SHC3: variants seen among roughly 807,000 people sequenced by gnomAD.
SHC3 encodes the protein SHC-transforming protein 3.
SHC3 carries 15 observed loss-of-function variants against 60.4 expected under a neutral mutation model. The ratio of observed to expected loss-of-function variants is 0.25; its 90% CI spans 0.17 to 0.38. The LOEUF is 0.38. Ranked by LOEUF, SHC3 falls within the 10% of genes least tolerant of loss-of-function variation. SHC3 has a pLI of 1.00. For missense variants in SHC3, 677 were observed against 786.1 expected (o/e 0.86, Z 1.66); for synonymous variants, 294 against 325.9 (o/e 0.90, Z 1.05).
At chr9:89,153,572 G>T (rs1174826738) in intron 1 of SHC3, among the ~76,000 whole-genome samples, 2 of 152,226 alleles carry the variant, frequency 1.3e-5, no homozygotes, top group Non-Finnish European at 1.5e-5. Context: ...AAGCTGTAAA[G>T]CTGAGAACCC....
chr9:89,026,098 A>C (rs574373601), intron 11 of SHC3, among the ~76,000 whole-genome samples: 5 of 151,902 alleles, frequency 3.3e-5, no homozygotes, highest in African/African-American at 7.2e-5. Flanking sequence ...ACACACACAC[A>C]CCCCAAATTA....
At chr9:89,128,375 C>T (rs1187174028) in intron 1 of SHC3, among the ~76,000 whole-genome samples, 1 of 152,178 alleles carries the variant, frequency 6.6e-6, no homozygotes, top group Non-Finnish European at 1.5e-5. Flanking sequence ...CTAAACGTCC[C>T]TGTCTGACAG....
At chr9:89,165,776 C>T (rs1826779765) in intron 1 of SHC3, among the ~76,000 whole-genome samples, 1 of 152,084 alleles carries the variant, frequency 6.6e-6, no homozygotes, top group South Asian at 2.1e-4. Context: ...AGACATGCTA[C>T]ACTTAAAAGG....
Position 89,046,707 on chromosome 9 carries a change from C to G in SHC3, c.1113+137G>C, listed in dbSNP as rs1292473018. On this transcript the variant is annotated intron_variant, in intron 8 of 11. Coordinates refer to ENST00000375835, the MANE Select transcript of SHC3 (RefSeq NM_016848.6). The stretch of plus-strand genomic sequence containing the variant: ...CTTCATCTGCATGCCTCATGAAATC[C>G]AGTGAGAGAAAGCTCATGATTTACT... The G allele has an allele frequency of 5.7e-6, 6 of 1,043,622 alleles. No homozygotes were observed. The East Asian group carries it at 1.7e-4, about 29-fold the overall frequency. The allele number at this position is 1,043,622 out of a possible 1,614,324, so 64.6% of individuals were successfully genotyped here.
intron 2 of SHC3, among the ~76,000 whole-genome samples, chr9:89,104,018 G>C (rs981122756): frequency 6.6e-6 from 1 of 152,160 alleles, no homozygotes; most frequent in Non-Finnish European, 1.5e-5. Flanking sequence ...TCTGGCATGA[G>C]GATTATAAAA....
rs145815258 is a variant in SHC3 at position 89,099,735 on chromosome 9, C to T, written c.545+12821G>A. 2.7e-3 allele frequency among the ~76,000 whole-genome samples: 405 copies of T among 152,184 alleles called. 3 individuals are homozygous for T. The highest frequency in any genetic ancestry group is 0.026 in the South Asian group (126 of 4,814). ...CTGACAGAAGCAACTGTGAAGACAC[C>T]GTGAATATAAAATGCATCCAGATTT... On this transcript the variant is annotated intron_variant, in intron 2 of 11. Coordinates refer to ENST00000375835, the MANE Select transcript of SHC3 (RefSeq NM_016848.6).
intron 11 of SHC3, among the ~76,000 whole-genome samples, chr9:89,027,327 A>ATTTTT (rs540788767): frequency 1.0e-4 from 13 of 130,386 alleles, no homozygotes; most frequent in Admixed American, 3.8e-4. Context: ...TGAAATTCTG[A>ATTTTT]TTTTTTTTTT....
At chr9:89,070,513 T>A (rs1825253911) in intron 5 of SHC3, among the ~76,000 whole-genome samples, 1 of 152,224 alleles carries the variant, frequency 6.6e-6, no homozygotes, top group Non-Finnish European at 1.5e-5. Flanking sequence ...TGAGTTCAAC[T>A]TCGTGACAGT....
chr9:89,077,856 G>A lies in SHC3; in HGVS notation c.593C>T (p.Ala198Val), dbSNP rs1408431980. 53 of 1,614,056 alleles carry A rather than the reference G, an allele frequency of 3.3e-5. No homozygotes were observed. Among genetic ancestry groups the A allele is most frequent in the Non-Finnish European group, 4.4e-5 (52 of 1,180,038 alleles). The change falls in exon 3 of 12, where the codon GCC becomes GTC. Residue 198 changes from alanine to valine, a missense_variant. By Grantham distance (64) the Ala-to-Val change is moderately conservative. Transcript: ENST00000375835. Reference sequence around the variant, plus strand: ...GGACAGTACCTTTCTCTTCTTGAAGGCTCCCTTCGCACCAGGCACAGCTTC... The same window carrying A: ...GGACAGTACCTTTCTCTTCTTGAAGACTCCCTTCGCACCAGGCACAGCTTC... Reference protein sequence around the residue: ...VCEAVPGAKGAFKKRKPPSKM... With the variant: ...VCEAVPGAKGVFKKRKPPSKM...
intron 5 of SHC3, among the ~76,000 whole-genome samples, chr9:89,068,663 T>G (rs1298234485): frequency 6.6e-6 from 1 of 151,846 alleles, no homozygotes; most frequent in Admixed American, 6.6e-5. Flanking sequence ...GTTTCCAATT[T>G]TTTTTAAAAA....
At chr9:89,172,345 G>T (rs1220381324) in intron 1 of SHC3, among the ~76,000 whole-genome samples, 1 of 152,178 alleles carries the variant, frequency 6.6e-6, no homozygotes, top group Non-Finnish European at 1.5e-5. Flanking sequence ...GTGGATCCTT[G>T]TCACACTGTT....
intron 3 of SHC3, among the ~76,000 whole-genome samples, chr9:89,076,975 G>C (rs199832118): frequency 6.6e-6 from 1 of 151,736 alleles, no homozygotes; most frequent in Non-Finnish European, 1.5e-5. Flanking sequence ...TCAAGAGGTC[G>C]AGACCATCCT....
At chr9:89,044,690 T>G (rs1824742800) in intron 9 of SHC3, among the ~76,000 whole-genome samples, 1 of 152,256 alleles carries the variant, frequency 6.6e-6, no homozygotes, top group African/African-American at 2.4e-5. Flanking sequence ...TGTGTATATA[T>G]AACTGTCTAG....
intron 4 of SHC3, among the ~76,000 whole-genome samples, chr9:89,072,419 G>A (rs990494531): frequency 7.2e-5 from 11 of 152,078 alleles, no homozygotes; most frequent in Non-Finnish European, 1.2e-4. Flanking sequence ...CAGCTAGAAT[G>A]GGGGGAAATG....
intron 1 of SHC3, among the ~76,000 whole-genome samples, chr9:89,140,341 C>T (rs945951455): frequency 3.3e-5 from 5 of 152,166 alleles, no homozygotes; most frequent in South Asian, 2.1e-4. Context: ...AGATTCCCCC[C>T]CCCAGATTAA....
At chr9:89,048,619 A>G (rs773884554) in intron 7 of SHC3, among the ~76,000 whole-genome samples, 19 of 152,232 alleles carry the variant, frequency 1.2e-4, no homozygotes, top group Non-Finnish European at 1.9e-4. Context: ...TAACAAATCA[A>G]CTGAACTGTA....
At chr9:89,105,380 A>G (rs960212404) in intron 2 of SHC3, among the ~76,000 whole-genome samples, 1 of 152,132 alleles carries the variant, frequency 6.6e-6, no homozygotes, top group Non-Finnish European at 1.5e-5. Context: ...CATCCCCAAA[A>G]TACACACAAT....
intron 1 of SHC3, among the ~76,000 whole-genome samples, chr9:89,162,851 A>C (rs1234526267): frequency 6.8e-6 from 1 of 145,990 alleles, no homozygotes; most frequent in Non-Finnish European, 1.5e-5. Context: ...TCATCTGACA[A>C]AGGGCTAATA....
intron 1 of SHC3, among the ~76,000 whole-genome samples, chr9:89,172,306 A>C (rs1411724238): frequency 1.3e-5 from 2 of 152,204 alleles, no homozygotes; most frequent in African/African-American, 4.8e-5. Context: ...ACTGGGAGAC[A>C]TGGATTAATT....
Sources: gnomAD v4.1 joint callset for allele counts (sites outside exome capture counted in the v4.1 genomes callset) on GRCh38, gnomAD v4.1.1 for gene constraint, MANE v1.5 for transcripts, NCBI Gene and HGNC (gene_info 2026-07-23, HGNC 2026-07-21) for gene names.